The following RBFOX1 variants were observed in gnomAD, a reference collection of about 807,000 sequenced individuals.
RBFOX1 encodes the protein RNA binding fox-1 homolog 1.
A neutral mutation model predicts 57.7 loss-of-function variants in RBFOX1; 8 were observed. That is an observed-to-expected ratio of 0.14 (90% CI 0.08 to 0.25). The LOEUF is 0.25. Among genes scored for constraint, RBFOX1 ranks in the 10% least tolerant of loss-of-function variants. The pLI is 1.00. For synonymous variants in RBFOX1, 326 were observed against 222.4 expected (o/e 1.47, Z -4.15); for missense variants, 611 against 548.5 (o/e 1.11, Z -1.14).
intron 3 of RBFOX1, among the ~76,000 whole-genome samples, chr16:6,785,334 T>G (rs919355622): frequency 1.3e-5 from 2 of 152,184 alleles, no homozygotes; most frequent in Non-Finnish European, 2.9e-5. Context: ...ATCTCTGTGG[T>G]TCAGCAAATT....
intron 1 of RBFOX1, among the ~76,000 whole-genome samples, chr16:6,155,561 T>C (rs2096832471): frequency 6.6e-6 from 1 of 152,204 alleles, no homozygotes; most frequent in Non-Finnish European, 1.5e-5. Flanking sequence ...CCCACATCGA[T>C]AGTGACCAGA....
intron 3 of RBFOX1, among the ~76,000 whole-genome samples, chr16:5,762,026 G>A (rs2053612997): frequency 6.6e-6 from 1 of 152,176 alleles, no homozygotes; most frequent in Non-Finnish European, 1.5e-5. Flanking sequence ...GAACTTCTCC[G>A]AGCAGCAATA....
rs60727388 is a variant in RBFOX1, at chr16:6,877,166, G to T, written c.-15-174891G>T. 2.3e-3 allele frequency among the ~76,000 whole-genome samples: 356 copies of T among 152,224 alleles called. 3 individuals are homozygous for T. The highest frequency in any genetic ancestry group is 7.9e-3 in the African/African-American group (327 of 41,536). ...ACAAAAAAGCAGACGAATGAAAAAAGATATCTTATTTCTGCAGCCGTTACA... is the reference window on the plus strand; with the variant it reads ...ACAAAAAAGCAGACGAATGAAAAAATATATCTTATTTCTGCAGCCGTTACA... On this transcript the variant is annotated intron_variant, in intron 3 of 15. Coordinates refer to ENST00000550418, the MANE Select transcript of RBFOX1 (RefSeq NM_018723.4).
At chr16:6,565,998 T>A (rs2097260403) in intron 2 of RBFOX1, among the ~76,000 whole-genome samples, 1 of 152,234 alleles carries the variant, frequency 6.6e-6, no homozygotes, top group Non-Finnish European at 1.5e-5. Flanking sequence ...ACTCTATTTG[T>A]TCTTCATGCA....
At chr16:6,317,195 C>A in intron 2 of RBFOX1, 138 bp downstream of exon 2, 1 of 776,868 alleles carries the variant, frequency 1.3e-6, no homozygotes, top group Non-Finnish European at 2.0e-6. Context: ...TCTCTTCTGC[C>A]CTATTGTATC....
At chr16:7,635,830 A>T (rs2061664888) in intron 11 of RBFOX1, among the ~76,000 whole-genome samples, 1 of 151,696 alleles carries the variant, frequency 6.6e-6, no homozygotes, top group South Asian at 2.1e-4. Context: ...TTATTTTTTG[A>T]GATGGAGTCT....
chr16:6,974,336 CTTTTTTTTTT>C (rs59299498), intron 3 of RBFOX1, among the ~76,000 whole-genome samples: 12 of 58,678 alleles, frequency 2.0e-4, no homozygotes, highest in Admixed American at 2.8e-4. Flanking sequence ...TTTTCTTTTT[CTTTTTTTTTT>C]TTTTTTTTTT....
chr16:7,453,844 T>G (rs9935345), intron 4 of RBFOX1, among the ~76,000 whole-genome samples: 60,437 of 151,970 alleles, frequency 0.4, 12,322 homozygotes, highest in Non-Finnish European at 0.45. Flanking sequence ...TTCCTAGAGT[T>G]CATGTCCTCT....
In RBFOX1 at chr16:6,940,851, C is replaced by CTG. The variant is rs1009221597; in HGVS notation, c.-15-111168_-15-111167dup. 2.5e-3 allele frequency among the ~76,000 whole-genome samples: 323 copies of CTG among 126,966 alleles called. 7 individuals are homozygous for CTG. Among genetic ancestry groups the CTG allele is most frequent in the Middle Eastern group, 0.012 (3 of 256 alleles). 83.3% of individuals were successfully genotyped at this position (126,966 alleles called of 152,430 possible). A position where few individuals can be genotyped will look rare whatever the true frequency, so the allele number is the denominator to read the frequency against. ...GCGCCTGCCACCATGTCCGGCTAGT[C>CTG]TGTGTGTGTGTGTGTGTGTGTGTGT... On this transcript the variant is annotated intron_variant, in intron 3 of 15. Coordinates refer to ENST00000550418, the MANE Select transcript of RBFOX1 (RefSeq NM_018723.4).
intron 4 of RBFOX1, among the ~76,000 whole-genome samples, chr16:7,367,521 G>C (rs1247314075): frequency 1.3e-5 from 2 of 152,114 alleles, no homozygotes; most frequent in East Asian, 3.9e-4. Context: ...CTATATCATC[G>C]TGAAACATCT....
At chr16:5,721,318 A>G (rs543081041) in intron 3 of RBFOX1, among the ~76,000 whole-genome samples, 2 of 152,186 alleles carry the variant, frequency 1.3e-5, no homozygotes, top group South Asian at 2.1e-4. Flanking sequence ...TACTTTGCTG[A>G]ATTTATTGGT....
upstream of RBFOX1, among the ~76,000 whole-genome samples, chr16:6,018,582 G>A (rs1366860816): frequency 6.6e-6 from 1 of 152,084 alleles, no homozygotes; most frequent in African/African-American, 2.4e-5. Context: ...CAGGCCAGCC[G>A]CACCCACCCC....
rs189908463 is a variant in RBFOX1 at position 6,508,800 on chromosome 16, A to G, written c.-63-145803A>G. Among the ~76,000 whole-genome samples, 91 of 152,144 alleles carry G rather than the reference A, an allele frequency of 6.0e-4. 1 individual carries two copies. The highest frequency in any genetic ancestry group is 3.4e-3 in the Middle Eastern group (1 of 294). ...AATTTAGAGAAGAAATTTGCCATTT[A>G]TATTAGGTTGATACAAAAGTAATCA... On this transcript the variant is annotated intron_variant, in intron 2 of 15. Transcript: ENST00000550418.
At chr16:6,715,942 G>C (rs1277453582) in intron 3 of RBFOX1, among the ~76,000 whole-genome samples, 1 of 152,134 alleles carries the variant, frequency 6.6e-6, no homozygotes, top group Non-Finnish European at 1.5e-5. Context: ...CTAGTATGAT[G>C]ATTAAGTCAA....
At chr16:7,442,840 C>G (rs976500625) in intron 4 of RBFOX1, among the ~76,000 whole-genome samples, 4 of 151,970 alleles carry the variant, frequency 2.6e-5, no homozygotes, top group East Asian at 1.9e-4. Flanking sequence ...TGTTTTTTTT[C>G]TGATTCAGGA....
intron 4 of RBFOX1, among the ~76,000 whole-genome samples, chr16:7,251,404 C>CAT: frequency 1.1e-5 from 1 of 94,184 alleles, no homozygotes. Flanking sequence ...TACTTCTGTC[C>CAT]GTTTTTTTTT....
intron 4 of RBFOX1, among the ~76,000 whole-genome samples, chr16:7,489,512 A>ATT (rs1201826259): frequency 2.7e-5 from 3 of 111,338 alleles, no homozygotes; most frequent in African/African-American, 9.5e-5. Context: ...AATTATTATT[A>ATT]TTATTTTTTT....
chr16:7,660,077 A>G (rs746019914), intron 12 of RBFOX1, among the ~76,000 whole-genome samples: 1 of 152,210 alleles, frequency 6.6e-6, no homozygotes, highest in Non-Finnish European at 1.5e-5. Flanking sequence ...CCTTTTCTAT[A>G]AGAATATACT....
chr16:5,900,848 G>A (rs903668917), intron 4 of RBFOX1, among the ~76,000 whole-genome samples: 2 of 152,216 alleles, frequency 1.3e-5, no homozygotes, highest in East Asian at 1.9e-4. Flanking sequence ...GCTCCCTCCC[G>A]GCCCCAGAGC....
Sources: gnomAD v4.1 joint callset for allele counts (sites outside exome capture counted in the v4.1 genomes callset) on GRCh38, gnomAD v4.1.1 for gene constraint, MANE v1.5 for transcripts, NCBI Gene and HGNC (gene_info 2026-07-23, HGNC 2026-07-21) for gene names.